The following CSTPP1 variants were observed in gnomAD, a reference collection of about 807,000 sequenced individuals.
CSTPP1 encodes the protein UPF0705 protein C11orf49.
chr11:47,104,372 G>T, the CSTPP1 span, among the ~76,000 whole-genome samples: 3 of 152,074 alleles, frequency 2.0e-5, no homozygotes, highest in African/African-American at 7.2e-5. Flanking sequence ...GCTTCTCTTT[G>T]TTAGCCACTG....
At chr11:47,132,821 G>A in the CSTPP1 span, among the ~76,000 whole-genome samples, 414 of 152,302 alleles carry the variant, frequency 2.7e-3, 2 homozygotes, top group African/African-American at 9.2e-3. Context: ...TGCTAGGGTG[G>A]AACTTGCAGG....
chr11:46,970,447 A>T, the CSTPP1 span, among the ~76,000 whole-genome samples: 1 of 151,128 alleles, frequency 6.6e-6, no homozygotes, highest in Non-Finnish European at 1.5e-5. Context: ...ATTAATTGAG[A>T]TAACTAGATT....
chr11:47,032,205 A>G, the CSTPP1 span, among the ~76,000 whole-genome samples: 1 of 152,210 alleles, frequency 6.6e-6, no homozygotes. Flanking sequence ...AGCTAATAAA[A>G]TAGGAAAACT....
the CSTPP1 span, among the ~76,000 whole-genome samples, chr11:47,008,219 CCT>C: frequency 3.3e-5 from 5 of 152,156 alleles, no homozygotes; most frequent in Admixed American, 3.3e-4. Context: ...CCCGCCTTGG[CCT>C]CTCAAAGTGC....
the CSTPP1 span, among the ~76,000 whole-genome samples, chr11:47,042,602 T>C: frequency 6.6e-6 from 1 of 152,144 alleles, no homozygotes; most frequent in Non-Finnish European, 1.5e-5. Context: ...GAAATTACAA[T>C]ATGTCAAAAT....
the CSTPP1 span, among the ~76,000 whole-genome samples, chr11:47,045,710 C>T: frequency 6.6e-6 from 1 of 152,072 alleles, no homozygotes; most frequent in Admixed American, 6.5e-5. Context: ...CAGTAGTGAG[C>T]ATGAAAATTG....
chr11:46,994,696 T>A, the CSTPP1 span, among the ~76,000 whole-genome samples: 1 of 152,198 alleles, frequency 6.6e-6, no homozygotes, highest in Non-Finnish European at 1.5e-5. Context: ...TATTGAGGAT[T>A]TTTGCATCGA....
At chr11:47,126,352 G>A in the CSTPP1 span, among the ~76,000 whole-genome samples, 1 of 152,108 alleles carries the variant, frequency 6.6e-6, no homozygotes, top group Admixed American at 6.5e-5. Flanking sequence ...GCCAGGTGCG[G>A]TAGCTCACAC....
At chr11:47,032,961 A>C in the CSTPP1 span, among the ~76,000 whole-genome samples, 1 of 152,218 alleles carries the variant, frequency 6.6e-6, no homozygotes, top group South Asian at 2.1e-4. Flanking sequence ...TGTATTTTAT[A>C]CTGTATTCCT....
At chr11:47,063,527 G>A in the CSTPP1 span, among the ~76,000 whole-genome samples, 1 of 152,006 alleles carries the variant, frequency 6.6e-6, no homozygotes, top group Non-Finnish European at 1.5e-5. Context: ...TCTACTTTCT[G>A]TATCTATGTA....
the CSTPP1 span, among the ~76,000 whole-genome samples, chr11:47,036,170 TAA>T: frequency 1.7e-5 from 1 of 57,290 alleles, no homozygotes; most frequent in African/African-American, 5.8e-5. Context: ...ATGCATATTA[TAA>T]TATATAAATA....
At chr11:46,978,255 G>A in the CSTPP1 span, among the ~76,000 whole-genome samples, 1 of 152,210 alleles carries the variant, frequency 6.6e-6, no homozygotes. Flanking sequence ...GGTAGAAAGT[G>A]CCACTGGAAA....
chr11:47,024,662 G>A, the CSTPP1 span, among the ~76,000 whole-genome samples: 1 of 152,074 alleles, frequency 6.6e-6, no homozygotes, highest in Non-Finnish European at 1.5e-5. Context: ...ATGAATTTAA[G>A]ACCTCACCTG....
chr11:46,936,948 T>C, the CSTPP1 span: 1 of 704,418 alleles, frequency 1.4e-6, no homozygotes, highest in Non-Finnish European at 1.9e-6. Flanking sequence ...TGGGATCGGG[T>C]CCGGGTGGTA....
At chr11:46,973,415 TAGA>T in the CSTPP1 span, among the ~76,000 whole-genome samples, 4 of 152,164 alleles carry the variant, frequency 2.6e-5, no homozygotes, top group South Asian at 6.2e-4. Context: ...TTAAACAAGA[TAGA>T]AGATTATTTC....
chr11:47,062,230 AT>A, the CSTPP1 span, among the ~76,000 whole-genome samples: 3 of 152,184 alleles, frequency 2.0e-5, no homozygotes, highest in Non-Finnish European at 4.4e-5. Flanking sequence ...TATAAACTTT[AT>A]GAGTACAGGA....
At chr11:46,990,094 C>T in the CSTPP1 span, among the ~76,000 whole-genome samples, 2 of 152,124 alleles carry the variant, frequency 1.3e-5, no homozygotes, top group Non-Finnish European at 2.9e-5. Flanking sequence ...GTGAATAGTG[C>T]AGCAATGAAT....
At chr11:46,972,080 T>C in the CSTPP1 span, among the ~76,000 whole-genome samples, 1 of 152,254 alleles carries the variant, frequency 6.6e-6, no homozygotes, top group South Asian at 2.1e-4. Flanking sequence ...CTGCTCAGTT[T>C]AACATTTTTC....
At chr11:47,139,819 A>G in the CSTPP1 span, among the ~76,000 whole-genome samples, 1 of 152,216 alleles carries the variant, frequency 6.6e-6, no homozygotes, top group Non-Finnish European at 1.5e-5. Context: ...TAGCAGTGGC[A>G]GAACTGGAAC....
Sources: allele counts gnomAD v4.1 joint callset (sites outside exome capture counted in the v4.1 genomes callset), GRCh38; gene constraint gnomAD v4.1.1; transcripts MANE v1.5; gene names NCBI Gene and HGNC (gene_info 2026-07-23, HGNC 2026-07-21).